SLC25A16: variants seen among roughly 807,000 people sequenced by gnomAD.
SLC25A16 encodes mitochondrial coenzyme A transporter SLC25A16.
SLC25A16 carries 39 observed loss-of-function variants against 41.5 expected under a neutral mutation model. The ratio of observed to expected loss-of-function variants is 0.94; its 90% CI spans 0.73 to 1.23. The LOEUF is 1.23. SLC25A16 is among the 50% of genes most tolerant of loss of function. The pLI is 0.00. For synonymous variants in SLC25A16, 146 were observed against 147.8 expected (o/e 0.99, Z 0.09); for missense variants, 421 against 426.9 (o/e 0.99, Z 0.12).
Position 68,506,728 on chromosome 10 carries a change from G to A in SLC25A16, c.224-10C>T, listed in dbSNP as rs753057271. On this transcript the variant is annotated splice_polypyrimidine_tract_variant and intron_variant, in intron 2 of 8. Transcript: ENST00000609923. ...AATGCAGAAAATACTCCTATTTTTA[G>A]AGGAAAAATGCTGTTAAAACAGAGA... The A allele has an allele frequency of 1.4e-5, 22 of 1,545,924 alleles. No individual in the cohort carries two copies. Among genetic ancestry groups the A allele is most frequent in the Non-Finnish European group, 1.8e-5 (21 of 1,144,276 alleles).
At chr10:68,496,982 G>A (rs944881658) in intron 4 of SLC25A16, among the ~76,000 whole-genome samples, 1 of 151,978 alleles carries the variant, frequency 6.6e-6, no homozygotes, top group African/African-American at 2.4e-5. Context: ...AGCTACAAAG[G>A]ATTTCTTAAA....
Position 68,526,577 on chromosome 10 carries a change from G to A in SLC25A16, c.130+669C>T, listed in dbSNP as rs980435347. Among the ~76,000 whole-genome samples the A allele has an allele frequency of 6.6e-5, 10 of 152,140 alleles. No homozygotes were observed. The East Asian group carries it at 1.9e-3, about 29-fold the overall frequency. ...GTCTCTGTGTCTTTTTCTTTCCTAA[G>A]TCTCTCGTTCCACCTTACGAGAAAC... On this transcript the variant is annotated intron_variant, in intron 1 of 8. Transcript: ENST00000609923.
chr10:68,487,125 T>C lies in SLC25A16; in HGVS notation c.842+19A>G. On this transcript the variant is annotated intron_variant, in intron 8 of 8. Transcript: ENST00000609923. Reference sequence around the variant, plus strand: ...TACATTTCCTAAAGAAAATGAACAATGACATATGATGAACTTACAGGCACT... The same window carrying C: ...TACATTTCCTAAAGAAAATGAACAACGACATATGATGAACTTACAGGCACT... 1.9e-6 allele frequency: 3 copies of C among 1,593,826 alleles called. No individual in the cohort carries two copies. The highest frequency in any genetic ancestry group is 2.6e-6 in the Non-Finnish European group (3 of 1,162,264).
chr10:68,505,375 AG>A (rs1264799128), intron 3 of SLC25A16, among the ~76,000 whole-genome samples: 7 of 151,832 alleles, frequency 4.6e-5, no homozygotes, highest in Middle Eastern at 3.4e-3. Context: ...GAAAAGAGGG[AG>A]GGAAGGAGGG....
At chr10:68,508,635 T>C (rs2053001345) in intron 2 of SLC25A16, among the ~76,000 whole-genome samples, 1 of 151,304 alleles carries the variant, frequency 6.6e-6, no homozygotes, top group Admixed American at 6.6e-5. Context: ...GGAGAATCGC[T>C]TGAACCCGGG....
At chr10:68,515,955 TAATA>T in intron 2 of SLC25A16, among the ~76,000 whole-genome samples, 1 of 152,118 alleles carries the variant, frequency 6.6e-6, no homozygotes, top group Middle Eastern at 3.2e-3. Flanking sequence ...CCTAAAATGA[TAATA>T]TATATAACCA....
intron 2 of SLC25A16, among the ~76,000 whole-genome samples, chr10:68,507,017 A>G (rs970011042): frequency 1.3e-5 from 2 of 151,564 alleles, no homozygotes; most frequent in African/African-American, 4.8e-5. Flanking sequence ...TCTAAAAAAT[A>G]TTAACAATAG....
At chr10:68,501,679 T>TG (rs55950228) in intron 4 of SLC25A16, among the ~76,000 whole-genome samples, 37,194 of 151,802 alleles carry the variant, frequency 0.25, 5,254 homozygotes, top group Admixed American at 0.35. Context: ...CCCAGCACTT[T>TG]GGAGGCTGAG....
At chr10:68,506,132 C>T (rs113748838) in intron 3 of SLC25A16, among the ~76,000 whole-genome samples, 2,220 of 152,250 alleles carry the variant, frequency 0.015, 63 homozygotes, top group African/African-American at 0.05. Context: ...AAATCTTAAG[C>T]TGTCACAAGT....
intron 8 of SLC25A16, among the ~76,000 whole-genome samples, chr10:68,485,572 G>A (rs930932705): frequency 2.0e-5 from 3 of 150,814 alleles, no homozygotes; most frequent in Admixed American, 6.6e-5. Context: ...TTTTAGTAGA[G>A]ACAGGTTTCA....
Position 68,487,254 on chromosome 10 carries a change from T to A in SLC25A16, c.774-42A>T, listed in dbSNP as rs751089681. On this transcript the variant is annotated intron_variant, in intron 7 of 8. Transcript: ENST00000609923. ...GCATAAAGAATTAAAAATTTTTGGT[T>A]TTCTACTCAACAACTATTGAATACA... is the stretch of plus-strand genomic sequence containing the variant. The A allele has an allele frequency of 2.8e-6, 4 of 1,453,490 alleles. No individual in the cohort carries two copies. In the South Asian group the frequency reaches 4.6e-5, roughly 17 times the overall value. 90.0% of individuals were successfully genotyped at this position (1,453,490 alleles called of 1,614,324 possible). A position where few individuals can be genotyped will look rare whatever the true frequency, so the allele number is the denominator to read the frequency against.
At chr10:68,503,253 G>C (rs1049041957) in intron 4 of SLC25A16, 3 of 157,072 alleles carry the variant, frequency 1.9e-5, no homozygotes, top group African/African-American at 7.2e-5. Flanking sequence ...TACATGACTA[G>C]CCTTCAGAAA....
In SLC25A16 at chr10:68,482,498, A is replaced by T. The variant is rs1423312112; in HGVS notation, c.*934T>A. On this transcript the variant is annotated 3_prime_UTR_variant, in exon 9 of 9. Coordinates refer to ENST00000609923, the MANE Select transcript of SLC25A16 (RefSeq NM_152707.4). ...ACCTTAGAAACATTTTTTGATATTC[A>T]CATCTATATTAATAAATATTTCACA... 1 of 152,610 alleles carries T rather than the reference A, an allele frequency of 6.6e-6. No homozygotes were observed. The highest frequency in any genetic ancestry group is 1.9e-4 in the East Asian group (1 of 5,202). 9.5% of individuals were successfully genotyped at this position (152,610 alleles called of 1,614,324 possible).
Position 68,489,878 on chromosome 10 carries a change from C to T in SLC25A16, c.611-1249G>A, listed in dbSNP as rs545895297. ...ATGGCAACACTGCACTCTAGCCTGG[C>T]AACAGAGCGAGACTCTGTCTCAAAA... On this transcript the variant is annotated intron_variant, in intron 6 of 8. Transcript: ENST00000609923. Among the ~76,000 whole-genome samples the T allele has an allele frequency of 1.6e-4, 21 of 127,330 alleles. No homozygotes were observed. The Middle Eastern group carries it at 0.016, about 100-fold the overall frequency. The allele number at this position is 127,330 out of a possible 152,430, so 83.5% of individuals were successfully genotyped here.
chr10:68,494,497 A>AGGGAGGGGAGGAGAGAC (rs796828576), intron 4 of SLC25A16, among the ~76,000 whole-genome samples: 612 of 33,736 alleles, frequency 0.018, 11 homozygotes, highest in African/African-American at 0.058. Context: ...GAAGGGGAGG[A>AGGGAGGGGAGGAGAGAC]GGGAGGGGAG....
At position 68,478,940 on chromosome 10, in the gene SLC25A16, T is replaced by G. The variant is rs2133467118; in HGVS notation, c.*4492A>C. ...GCCTGGCTAATTTTTATATTTTTAGTAGAGATGGGATTTCACCATGTTGGC... is the reference window on the plus strand; with the variant it reads ...GCCTGGCTAATTTTTATATTTTTAGGAGAGATGGGATTTCACCATGTTGGC... On this transcript the variant is annotated 3_prime_UTR_variant, in exon 9 of 9. Transcript: ENST00000609923. 1 of 152,028 alleles carries G rather than the reference T, an allele frequency of 6.6e-6. No individual in the cohort carries two copies. The highest frequency in any genetic ancestry group is 2.1e-4 in the South Asian group (1 of 4,816). 9.4% of individuals were successfully genotyped at this position (152,028 alleles called of 1,614,324 possible). A position where few individuals can be genotyped will look rare whatever the true frequency, so the allele number is the denominator to read the frequency against.
chr10:68,486,310 G>A (rs2133486375), intron 8 of SLC25A16, among the ~76,000 whole-genome samples: 1 of 151,578 alleles, frequency 6.6e-6, no homozygotes, highest in East Asian at 2.0e-4. Context: ...GCCTGGGCTG[G>A]TCTTGGACTC....
chr10:68,496,252 T>A lies in SLC25A16; in HGVS notation c.422-2682A>T, dbSNP rs2133524197. On this transcript the variant is annotated intron_variant, in intron 4 of 8. Coordinates refer to ENST00000609923, the MANE Select transcript of SLC25A16 (RefSeq NM_152707.4). ...AATTCAGCTTGCCTGCTGCTAGTAA[T>A]CAGACTGACATCCATAACAATCATT... Among the ~76,000 whole-genome samples, 3 of 152,266 alleles carry A rather than the reference T, an allele frequency of 2.0e-5. No homozygotes were observed. In the East Asian group the frequency reaches 5.8e-4, roughly 29 times the overall value.
intron 6 of SLC25A16, 78 bp downstream of exon 6, chr10:68,493,054 T>A: frequency 1.2e-6 from 1 of 801,090 alleles, no homozygotes; most frequent in Non-Finnish European, 2.1e-6. Flanking sequence ...TCTTTTTATA[T>A]TACCATTTCA....
Sources: allele counts gnomAD v4.1 joint callset (sites outside exome capture counted in the v4.1 genomes callset), GRCh38; gene constraint gnomAD v4.1.1; transcripts MANE v1.5; gene names NCBI Gene and HGNC (gene_info 2026-07-23, HGNC 2026-07-21).